The following LRTM1 variants were observed in gnomAD, a reference collection of about 807,000 sequenced individuals.
LRTM1 encodes the protein leucine rich repeat transmembrane protein 1.
A neutral mutation model predicts 32.4 loss-of-function variants in LRTM1; 38 were observed. The observed-to-expected ratio is 1.17, with a 90% CI of 0.91 to 1.54. The LOEUF is 1.54. Ranked by LOEUF, LRTM1 falls within the 40% of genes most tolerant of loss-of-function variation. LRTM1 has a pLI of 0.00. For synonymous variants in LRTM1, 186 were observed against 169.9 expected, an observed-to-expected ratio of 1.09 and a Z score of -0.74; for missense variants, 466 against 415.4, an observed-to-expected ratio of 1.12 and a Z score of -1.06.
At chr3:54,918,993 A>G (rs920766136) in intron 2 of LRTM1, 101 bp from the exon 3 acceptor site, 9 of 906,702 alleles carry the variant, frequency 9.9e-6, no homozygotes, top group Admixed American at 4.5e-5. Flanking sequence ...TTTATGAAGT[A>G]CCTTTTTTTT....
Position 54,927,310 on chromosome 3 carries a change from G to C in LRTM1, c.7+595C>G, listed in dbSNP as rs376542090. ...CTTCTCAGTTTAATTTAGTTTAAGG[G>C]ATGCAGAACATCACAGTCCCCTTCC... On this transcript the variant is annotated intron_variant, in intron 1 of 2. Coordinates refer to ENST00000273286, the MANE Select transcript of LRTM1 (RefSeq NM_020678.4). 2.6e-5 allele frequency among the ~76,000 whole-genome samples: 4 copies of C among 152,258 alleles called. No homozygotes were observed. The East Asian group carries it at 5.8e-4, about 22-fold the overall frequency.
At chr3:54,962,914 A>T (rs139039835) in intron 1 of LRTM1, among the ~76,000 whole-genome samples, 321 of 152,320 alleles carry the variant, frequency 2.1e-3, no homozygotes, top group African/African-American at 7.2e-3. Context: ...ATTATTTCTA[A>T]ATGAATACGA....
chr3:54,960,485 A>G (rs564035262), intron 1 of LRTM1, among the ~76,000 whole-genome samples: 2 of 151,816 alleles, frequency 1.3e-5, no homozygotes, highest in East Asian at 3.9e-4. Context: ...TGCTGTGAGA[A>G]TTTTTTTTTC....
At chr3:54,956,763 T>C (rs891641874) in intron 1 of LRTM1, among the ~76,000 whole-genome samples, 9 of 152,102 alleles carry the variant, frequency 5.9e-5, no homozygotes, top group African/African-American at 2.2e-4. Context: ...ATTTGAATAT[T>C]TAGATGCATT....
At chr3:54,921,558 C>T (rs920481688) in intron 2 of LRTM1, among the ~76,000 whole-genome samples, 2 of 152,088 alleles carry the variant, frequency 1.3e-5, no homozygotes, top group Non-Finnish European at 2.9e-5. Flanking sequence ...TAAATTTTCC[C>T]ACTTTTTGTG....
chr3:54,944,813 G>GT (rs1347525277), intron 1 of LRTM1, among the ~76,000 whole-genome samples: 2,129 of 107,606 alleles, frequency 0.02, 43 homozygotes, highest in African/African-American at 0.092. Context: ...TTAGAGCTGG[G>GT]GGTGTGTGTG....
chr3:54,920,972 C>T (rs1015101440), intron 2 of LRTM1, among the ~76,000 whole-genome samples: 18 of 152,192 alleles, frequency 1.2e-4, no homozygotes, highest in Non-Finnish European at 2.2e-4. Flanking sequence ...AAGGCAGGGG[C>T]TATGGCTGCC....
chr3:54,934,319 A>AT (rs1443806399), intron 1 of LRTM1, among the ~76,000 whole-genome samples: 1 of 152,208 alleles, frequency 6.6e-6, no homozygotes, highest in African/African-American at 2.4e-5. Context: ...GTGAGAACAT[A>AT]GTTCCCTCTT....
At position 54,918,684 on chromosome 3, in the gene LRTM1, G is replaced by T. The variant is rs987806872; in HGVS notation, c.813C>A (p.Cys271Ter). 1.9e-6 allele frequency: 3 copies of T among 1,613,994 alleles called. No homozygotes were observed. The highest frequency in any genetic ancestry group is 1.7e-5 in the Admixed American group (1 of 60,000). The change falls in exon 3 of 3, where the codon TGC becomes TGA. Residue 271 changes from cysteine to a stop codon, truncating the protein, a stop_gained. Coordinates refer to ENST00000273286, the MANE Select transcript of LRTM1 (RefSeq NM_020678.4). LOFTEE classifies it high-confidence loss of function. The part of the protein sequence containing the change: ...HNAGERELLE[C>*]ELKPKPRPAN... Reference sequence around the variant, plus strand: ...CCGGCCTTGGCTTGGGTTTGAGCTCGCACTCCAAGAGTTCTCGCTCCCCCG... The same window carrying T: ...CCGGCCTTGGCTTGGGTTTGAGCTCTCACTCCAAGAGTTCTCGCTCCCCCG...
chr3:54,946,527 A>G (rs1263992071), intron 1 of LRTM1, among the ~76,000 whole-genome samples: 1 of 152,176 alleles, frequency 6.6e-6, no homozygotes, highest in Non-Finnish European at 1.5e-5. Context: ...AAAGAAGAGA[A>G]AGCCTCTTAG....
intron 2 of LRTM1, among the ~76,000 whole-genome samples, chr3:54,919,927 T>A (rs1559629552): frequency 6.6e-6 from 1 of 152,128 alleles, no homozygotes. Flanking sequence ...CACATCCTCC[T>A]CTCAGGAGCG....
At chr3:54,943,973 G>A (rs1701544919) in intron 1 of LRTM1, among the ~76,000 whole-genome samples, 1 of 152,134 alleles carries the variant, frequency 6.6e-6, no homozygotes, top group Admixed American at 6.5e-5. Context: ...GCTCTGAAAA[G>A]GTCTTCATTC....
intron 1 of LRTM1, among the ~76,000 whole-genome samples, chr3:54,926,414 G>C (rs2106944422): frequency 6.6e-6 from 1 of 151,834 alleles, no homozygotes; most frequent in East Asian, 1.9e-4. Flanking sequence ...TCCCTCCAGA[G>C]TCTGTCAGAG....
chr3:54,943,229 A>T (rs1271086912), intron 1 of LRTM1, among the ~76,000 whole-genome samples: 1 of 151,746 alleles, frequency 6.6e-6, no homozygotes, highest in East Asian at 1.9e-4. Context: ...GAGAATAATA[A>T]CAATGTTTTT....
At chr3:54,942,064 T>C (rs927778624) in intron 1 of LRTM1, among the ~76,000 whole-genome samples, 18 of 152,202 alleles carry the variant, frequency 1.2e-4, no homozygotes, top group Admixed American at 3.9e-4. Flanking sequence ...CTCAGTCACA[T>C]AGGAACTTCA....
At chr3:54,925,993 G>T (rs548415467) in intron 1 of LRTM1, among the ~76,000 whole-genome samples, 2 of 152,116 alleles carry the variant, frequency 1.3e-5, no homozygotes, top group Non-Finnish European at 2.9e-5. Context: ...TAATAGTTCT[G>T]CAAGTCCTTC....
At chr3:54,942,627 G>A (rs192716686) in intron 1 of LRTM1, among the ~76,000 whole-genome samples, 1 of 151,980 alleles carries the variant, frequency 6.6e-6, no homozygotes, top group Admixed American at 6.5e-5. Context: ...ACTGGTTCAC[G>A]CCTGTAATTC....
At chr3:54,950,760 C>G (rs1701738651) in intron 1 of LRTM1, among the ~76,000 whole-genome samples, 1 of 152,114 alleles carries the variant, frequency 6.6e-6, no homozygotes. Flanking sequence ...CCTCAGATAC[C>G]AATATCTTGC....
intron 1 of LRTM1, among the ~76,000 whole-genome samples, chr3:54,939,486 G>A (rs1366887912): frequency 1.3e-5 from 2 of 152,174 alleles, no homozygotes; most frequent in Admixed American, 6.5e-5. Context: ...GTAGGTTCCC[G>A]CTGCCCATTT....
Sources: gnomAD v4.1 joint callset for allele counts (sites outside exome capture counted in the v4.1 genomes callset) on GRCh38, gnomAD v4.1.1 for gene constraint, MANE v1.5 for transcripts, NCBI Gene and HGNC (gene_info 2026-07-23, HGNC 2026-07-21) for gene names.